CUX1: variants seen among roughly 807,000 people sequenced by gnomAD.
CUX1 encodes the protein cut like homeobox 1, also known as protein CASP.
CUX1 carries 31 observed loss-of-function variants against 158.8 expected under a neutral mutation model. That is an observed-to-expected ratio of 0.20 (90% CI 0.15 to 0.26). The LOEUF (loss-of-function observed/expected upper bound fraction) is 0.26. CUX1 is among the 10% of genes least tolerant of loss of function. The pLI is 1.00. For synonymous variants in CUX1, 879 were observed against 862.1 expected (o/e 1.02, Z -0.34); for missense variants, 1,589 against 2,014.6 (o/e 0.79, Z 4.04).
chr7:102,175,415 A>G (rs1792203526), intron 10 of CUX1, among the ~76,000 whole-genome samples: 1 of 152,066 alleles, frequency 6.6e-6, no homozygotes, highest in Admixed American at 6.5e-5. Flanking sequence ...GCATGATTCA[A>G]CCTGTGCCCA....
At chr7:102,122,743 T>C (rs527983528) in intron 8 of CUX1, among the ~76,000 whole-genome samples, 5 of 152,336 alleles carry the variant, frequency 3.3e-5, no homozygotes, top group Admixed American at 3.3e-4. Context: ...GACATGTCTA[T>C]TGCAAAGCAT....
intron 3 of CUX1, among the ~76,000 whole-genome samples, chr7:102,064,078 G>C (rs1418538526): frequency 6.6e-6 from 1 of 152,220 alleles, no homozygotes; most frequent in Non-Finnish European, 1.5e-5. Flanking sequence ...TGTGGCAGGA[G>C]TGTGAGGCAT....
At chr7:102,002,544 A>C (rs527835532) in intron 2 of CUX1, among the ~76,000 whole-genome samples, 17 of 152,286 alleles carry the variant, frequency 1.1e-4, no homozygotes, top group African/African-American at 4.1e-4. Flanking sequence ...CTTACTAGCG[A>C]GAGTTCCGAG....
At chr7:102,101,906 T>G in intron 5 of CUX1, among the ~76,000 whole-genome samples, 1 of 114,554 alleles carries the variant, frequency 8.7e-6, no homozygotes, top group African/African-American at 4.0e-5. Context: ...AGCGAGTATC[T>G]GTCTCAATAA....
intron 2 of CUX1, among the ~76,000 whole-genome samples, chr7:101,939,699 T>G (rs2129136310): frequency 6.6e-6 from 1 of 152,126 alleles, no homozygotes; most frequent in African/African-American, 2.4e-5. Flanking sequence ...TGGTGGTGGT[T>G]GCCTGTGGTC....
In CUX1 at chr7:102,249,051, G is replaced by C. The variant is rs782799166; in HGVS notation, c.*9G>C. On this transcript the variant is annotated 3_prime_UTR_variant, in exon 24 of 24. Coordinates refer to ENST00000292535, the MANE Select transcript of CUX1 (RefSeq NM_181552.4). Reference sequence around the variant, plus strand: ...TCGAATGGGAGTTCTGAGGGGCCGCGGCCCTGGGGCGGGCAGCCAGGCTGG... The same window carrying C: ...TCGAATGGGAGTTCTGAGGGGCCGCCGCCCTGGGGCGGGCAGCCAGGCTGG... 7.8e-7 allele frequency: 1 copy of C among 1,281,160 alleles called. No homozygotes were observed. The highest frequency in any genetic ancestry group is 9.9e-7 in the Non-Finnish European group (1 of 1,005,188). The allele number at this position is 1,281,160 out of a possible 1,614,324, so 79.4% of individuals were successfully genotyped here.
At chr7:101,984,148 A>ATGTGTG (rs71119798) in intron 2 of CUX1, among the ~76,000 whole-genome samples, 10 of 75,316 alleles carry the variant, frequency 1.3e-4, no homozygotes, top group Non-Finnish European at 1.6e-4. Context: ...ACATATATAT[A>ATGTGTG]TGTGTGTGTG....
At chr7:102,059,631 C>CAAA (rs747660590) in intron 3 of CUX1, among the ~76,000 whole-genome samples, 11 of 88,224 alleles carry the variant, frequency 1.2e-4, no homozygotes, top group African/African-American at 4.3e-4. Flanking sequence ...GACTTCATCT[C>CAAA]AAAAAAAAAA....
At chr7:102,183,597 G>T (rs1039895982) in intron 11 of CUX1, among the ~76,000 whole-genome samples, 3 of 152,162 alleles carry the variant, frequency 2.0e-5, no homozygotes, top group Admixed American at 2.0e-4. Flanking sequence ...TAGAAGAGGA[G>T]GTGCATGCTG....
rs187343510 is a variant in CUX1, at chr7:101,919,451, G to A, written c.141+3226G>A. On this transcript the variant is annotated intron_variant, in intron 2 of 23. Coordinates refer to ENST00000292535, the MANE Select transcript of CUX1 (RefSeq NM_181552.4). ...GAAACGAGGCTTGCTTAGAGCTTTC[G>A]CCCGTTGGGTAGGACAGCCTGGCTT... 6.6e-5 allele frequency among the ~76,000 whole-genome samples: 10 copies of A among 152,218 alleles called. No individual in the cohort carries two copies. In the East Asian group the frequency reaches 1.7e-3, roughly 26 times the overall value.
chr7:102,229,588 A>T (rs1798740756), intron 21 of CUX1, among the ~76,000 whole-genome samples: 1 of 143,028 alleles, frequency 7.0e-6, no homozygotes, highest in Non-Finnish European at 1.5e-5. Flanking sequence ...CAGGGATTAC[A>T]GGCATGAGCC....
chr7:102,127,227 G>A (rs1329843203), intron 8 of CUX1, among the ~76,000 whole-genome samples: 2 of 152,104 alleles, frequency 1.3e-5, no homozygotes, highest in African/African-American at 2.4e-5. Context: ...CTTTTTACGA[G>A]ATAGGGTCTC....
intron 16 of CUX1, among the ~76,000 whole-genome samples, 173 bp downstream of exon 16, chr7:102,199,040 C>G (rs1165234795): frequency 6.6e-6 from 1 of 152,172 alleles, no homozygotes; most frequent in African/African-American, 2.4e-5. Context: ...GCCCCTTCCT[C>G]CCGAGCTGCC....
intron 2 of CUX1, among the ~76,000 whole-genome samples, chr7:102,009,996 G>C (rs1367955749): frequency 2.0e-5 from 3 of 152,266 alleles, no homozygotes; most frequent in East Asian, 3.9e-4. Flanking sequence ...GCTTGAAAAT[G>C]AAAGAAAGGT....
At chr7:102,276,372 G>A (rs1791608168) in intron 17 of CUX1, among the ~76,000 whole-genome samples, 1 of 152,176 alleles carries the variant, frequency 6.6e-6, no homozygotes, top group Non-Finnish European at 1.5e-5. Flanking sequence ...CACAATCCTG[G>A]CTCACTGCAA....
chr7:101,831,719 G>C (rs958836871), intron 1 of CUX1, among the ~76,000 whole-genome samples: 1 of 122,222 alleles, frequency 8.2e-6, no homozygotes, highest in African/African-American at 3.1e-5. Context: ...TCTTCTGAAG[G>C]CCCTGAGAAA....
At chr7:101,980,796 C>T (rs562447378) in intron 2 of CUX1, among the ~76,000 whole-genome samples, 12 of 152,236 alleles carry the variant, frequency 7.9e-5, no homozygotes, top group South Asian at 2.1e-4. Context: ...GCCCGCCGTC[C>T]GCACGGATGT....
chr7:101,941,287 G>C (rs779223585), intron 2 of CUX1, among the ~76,000 whole-genome samples: 2 of 152,236 alleles, frequency 1.3e-5, no homozygotes, highest in Admixed American at 6.5e-5. Context: ...AGTTTGAAGG[G>C]AAAGTTAGTG....
At chr7:102,230,126 G>A (rs1798803964) in intron 21 of CUX1, among the ~76,000 whole-genome samples, 1 of 152,148 alleles carries the variant, frequency 6.6e-6, no homozygotes, top group Non-Finnish European at 1.5e-5. Context: ...TGCTGCTCAT[G>A]GAAAGGCCTT....
Sources: gnomAD v4.1 joint callset for allele counts (sites outside exome capture counted in the v4.1 genomes callset) on GRCh38, gnomAD v4.1.1 for gene constraint, MANE v1.5 for transcripts, NCBI Gene and HGNC (gene_info 2026-07-23, HGNC 2026-07-21) for gene names.